Variants in SPRR2F observed in about 807,000 individuals in gnomAD.
SPRR2F encodes the protein small proline-rich protein 2F.
In SPRR2F, 2 loss-of-function variants were observed where a neutral mutation model predicts 0.8. The ratio of observed to expected loss-of-function variants is 2.52; its 90% CI spans 1.03 to 7.95. The LOEUF is 7.95. Ranked by LOEUF, SPRR2F falls within the 30% of genes most tolerant of loss-of-function variation. SPRR2F has a pLI of 0.04. For synonymous variants in SPRR2F, 39 were observed against 33.4 expected (o/e 1.17, Z -0.58); for missense variants, 80 against 85.8 (o/e 0.93, Z 0.27).
chr1:153,118,998 A>G, the SPRR2F span, among the ~76,000 whole-genome samples: 1 of 152,196 alleles, frequency 6.6e-6, no homozygotes, highest in Admixed American at 6.5e-5. Flanking sequence ...TTTTTTATGC[A>G]TTTACAGTTA....
chr1:153,112,359 G>A lies in SPRR2F; in HGVS notation c.*156C>T. 2 of 1,368,878 alleles carry A rather than the reference G, an allele frequency of 1.5e-6. No homozygotes were observed. The highest frequency in any genetic ancestry group is 2.0e-6 in the Non-Finnish European group (2 of 1,010,794). The allele number at this position is 1,368,878 out of a possible 1,614,324, so 84.8% of individuals were successfully genotyped here. ...GGCAGCCTCAAAAAGAAAACCTTTT[G>A]CTATCAGAGATCATCACAGGCCGAT... On this transcript the variant is annotated 3_prime_UTR_variant, in exon 2 of 2. Transcript: ENST00000468739.
At chr1:153,112,779 A>T (rs1415276141) in intron 1 of SPRR2F, 27 bp from the exon 2 acceptor site, 3 of 1,608,796 alleles carry the variant, frequency 1.9e-6, no homozygotes, top group Non-Finnish European at 2.5e-6. Flanking sequence ...GACAGTGTTC[A>T]CGGGAAGGGA....
At chr1:153,116,893 C>T (rs1358989597), upstream of SPRR2F, among the ~76,000 whole-genome samples, 1 of 151,600 alleles carries the variant, frequency 6.6e-6, no homozygotes, top group East Asian at 1.9e-4. Context: ...GATAAAAGAC[C>T]AAGTGATAAT....
chr1:153,114,021 TTG>T (rs796842541), upstream of SPRR2F, among the ~76,000 whole-genome samples: 7,666 of 102,246 alleles, frequency 0.075, 1,081 homozygotes, highest in African/African-American at 0.13. Context: ...TTTTTTTTTT[TTG>T]TTGCTAAGTT....
At chr1:153,116,764 G>C (rs942560480), upstream of SPRR2F, among the ~76,000 whole-genome samples, 4 of 151,972 alleles carry the variant, frequency 2.6e-5, no homozygotes, top group African/African-American at 9.7e-5. Context: ...TCATACCAGG[G>C]TAAAAACATC....
At chr1:153,117,618 G>A (rs544043134), upstream of SPRR2F, among the ~76,000 whole-genome samples, 4 of 152,144 alleles carry the variant, frequency 2.6e-5, no homozygotes, top group South Asian at 4.1e-4. Context: ...AATAAGGCCT[G>A]TAAATTCTAG....
chr1:153,115,363 T>G (rs1314573844), upstream of SPRR2F, among the ~76,000 whole-genome samples: 1 of 152,128 alleles, frequency 6.6e-6, no homozygotes, highest in Admixed American at 6.5e-5. Flanking sequence ...ATTTCTAACA[T>G]GCAAAATTGG....
chr1:153,119,445 G>A, the SPRR2F span, among the ~76,000 whole-genome samples: 1 of 152,198 alleles, frequency 6.6e-6, no homozygotes, highest in South Asian at 2.1e-4. Context: ...CTCAGACCCA[G>A]AAGATTAACG....
In SPRR2F at chr1:153,112,599, G is replaced by A. The variant is rs753879534; in HGVS notation, c.135C>T (p.Cys45=). Reference sequence around the variant, plus strand: ...ATTTCTGCTGGCACTGCTGAGGTGGGCAGGACTGTGGACACTTTGATGGTG... The same window carrying A: ...ATTTCTGCTGGCACTGCTGAGGTGGACAGGACTGTGGACACTTTGATGGTG... ...PCPPSKCPQS[C]PPQQCQQKCP... The change falls in exon 2 of 2, where the codon TGC becomes TGT. Residue 45 remains cysteine, a synonymous_variant. Coordinates refer to ENST00000468739, the MANE Select transcript of SPRR2F (RefSeq NM_001014450.3). 1.9e-5 allele frequency: 30 copies of A among 1,612,778 alleles called. No individual in the cohort carries two copies. The highest frequency in any genetic ancestry group is 2.5e-5 in the Non-Finnish European group (29 of 1,179,858).
At chr1:153,114,313 T>C (rs1039442480), upstream of SPRR2F, among the ~76,000 whole-genome samples, 2 of 152,172 alleles carry the variant, frequency 1.3e-5, no homozygotes, top group African/African-American at 4.8e-5. Flanking sequence ...ATTTGCTACT[T>C]GCTGCCATTA....
intron 1 of SPRR2F, 60 bp from the exon 2 acceptor site, chr1:153,112,812 A>G (rs1655631148): frequency 6.2e-7 from 1 of 1,602,348 alleles, no homozygotes; most frequent in Admixed American, 1.7e-5. Context: ...GAGAAGCCAA[A>G]GCTTATGTAA....
At position 153,113,486 on chromosome 1, in the gene SPRR2F, G is replaced by A. The variant is rs1456253696; in HGVS notation, c.-32C>T. 1.3e-5 allele frequency: 2 copies of A among 152,594 alleles called. No homozygotes were observed. Among genetic ancestry groups the A allele is most frequent in the Non-Finnish European group, 2.9e-5 (2 of 68,344 alleles). The allele number at this position is 152,594 out of a possible 1,614,324, so 9.5% of individuals were successfully genotyped here. A position where few individuals can be genotyped will look rare whatever the true frequency, so the allele number is the denominator to read the frequency against. ...GAAGCCGACTCACCAGGTTCTCCAAGGCAGATCGGTGCTTAGGTACCAGGA... is the reference window on the plus strand; with the variant it reads ...GAAGCCGACTCACCAGGTTCTCCAAAGCAGATCGGTGCTTAGGTACCAGGA... On this transcript the variant is annotated 5_prime_UTR_variant, in exon 1 of 2. Transcript: ENST00000468739.
chr1:153,113,387 G>T (rs1194676561), intron 1 of SPRR2F, 87 bp downstream of exon 1: 1 of 154,828 alleles, frequency 6.5e-6, no homozygotes, highest in African/African-American at 2.4e-5. Flanking sequence ...ACATTCATAG[G>T]ATTGGATCAA....
chr1:153,116,109 T>C (rs1655718476), upstream of SPRR2F, among the ~76,000 whole-genome samples: 1 of 152,240 alleles, frequency 6.6e-6, no homozygotes, highest in Admixed American at 6.5e-5. Flanking sequence ...TAAGTCTCTG[T>C]GAATTTCTGC....
chr1:153,112,650 T>C lies in SPRR2F; in HGVS notation c.84A>G (p.Pro28=), dbSNP rs556368320. 2 of 1,612,186 alleles carry C rather than the reference T, an allele frequency of 1.2e-6. No homozygotes were observed. Among genetic ancestry groups the C allele is most frequent in the African/African-American group, 1.3e-5 (1 of 74,840 alleles). The stretch of plus-strand genomic sequence containing the variant: ...GGCAGGGCTCAGGGCACTTCGGGGG[T>C]GGACATGGCTCTGGGCACTTTGGCG... ...CPAPKCPEPC[P]PPKCPEPCPP... The change falls in exon 2 of 2, where the codon CCA becomes CCG. Residue 28 remains proline, a synonymous_variant. Transcript: ENST00000468739.
the SPRR2F span, among the ~76,000 whole-genome samples, chr1:153,118,753 G>T: frequency 6.6e-6 from 1 of 152,294 alleles, no homozygotes; most frequent in African/African-American, 2.4e-5. Context: ...ATGCTAGAGA[G>T]AAATTTGAAA....
In SPRR2F at chr1:153,112,371, C is replaced by CATCACAGGCCG. The variant is rs1264684263; in HGVS notation, c.*133_*143dup. The stretch of plus-strand genomic sequence containing the variant: ...AAGAAAACCTTTTGCTATCAGAGAT[C>CATCACAGGCCG]ATCACAGGCCGATCACAGGCTAAGA... On this transcript the variant is annotated 3_prime_UTR_variant, in exon 2 of 2. Transcript: ENST00000468739. 2 of 1,425,212 alleles carry CATCACAGGCCG rather than the reference C, an allele frequency of 1.4e-6. No individual in the cohort carries two copies. Among genetic ancestry groups the CATCACAGGCCG allele is most frequent in the Non-Finnish European group, 1.9e-6 (2 of 1,055,866 alleles). The allele number at this position is 1,425,212 out of a possible 1,614,324, so 88.3% of individuals were successfully genotyped here.
upstream of SPRR2F, among the ~76,000 whole-genome samples, chr1:153,115,185 A>G (rs1500941): frequency 0.42 from 64,037 of 151,916 alleles, 13,681 homozygotes; most frequent in East Asian, 0.52. Flanking sequence ...TCAGCACCTT[A>G]AGGCCAGGTA....
At position 153,112,772 on chromosome 1, in the gene SPRR2F, A is replaced by C. The variant is rs749828658; in HGVS notation, c.-19-20T>G. The C allele has an allele frequency of 2.5e-6, 4 of 1,609,582 alleles. No individual in the cohort carries two copies. In the East Asian group the frequency reaches 8.9e-5, roughly 36 times the overall value. On this transcript the variant is annotated intron_variant, in intron 1 of 1. Transcript: ENST00000468739. ...CAGAATCTGAAAGAAATTATATGAC[A>C]GTGTTCACGGGAAGGGAATCCTCCA... is the stretch of plus-strand genomic sequence containing the variant.
Sources: allele counts gnomAD v4.1 joint callset (sites outside exome capture counted in the v4.1 genomes callset), GRCh38; gene constraint gnomAD v4.1.1; transcripts MANE v1.5; gene names NCBI Gene and HGNC (gene_info 2026-07-23, HGNC 2026-07-21).